The following CDH18 variants were observed in gnomAD, a reference collection of about 807,000 sequenced individuals.
CDH18 encodes the protein cadherin-18.
Under a neutral mutation model 67.9 loss-of-function variants are expected in CDH18, and 31 were observed. The observed-to-expected ratio is 0.46, with a 90% confidence interval of 0.34 to 0.62. The LOEUF is 0.62. Ranked by LOEUF, CDH18 falls within the 20% of genes least tolerant of loss-of-function variation. The probability of loss-of-function intolerance (pLI) is 0.01; values close to 1 mark genes in which losing one functional copy is unlikely to be tolerated. For synonymous variants in CDH18, 362 were observed against 347.2 expected (o/e 1.04, Z -0.48); for missense variants, 890 against 975.5 (o/e 0.91, Z 1.17).
At chr5:19,557,665 A>G (rs987429092) in intron 8 of CDH18, among the ~76,000 whole-genome samples, 2 of 152,034 alleles carry the variant, frequency 1.3e-5, no homozygotes, top group Non-Finnish European at 2.9e-5. Flanking sequence ...TAAACCAAAG[A>G]AATGAGATAG....
intron 5 of CDH18, among the ~76,000 whole-genome samples, chr5:19,674,599 C>T (rs1336351631): frequency 6.6e-6 from 1 of 151,996 alleles, no homozygotes; most frequent in African/African-American, 2.4e-5. Flanking sequence ...TTTATACATA[C>T]AACAGGGCAT....
chr5:20,006,509 G>T (rs547594414), intron 2 of CDH18, among the ~76,000 whole-genome samples: 1 of 152,042 alleles, frequency 6.6e-6, no homozygotes, highest in East Asian at 1.9e-4. Context: ...CAGCAACCAA[G>T]ATGCTCATTA....
At chr5:19,758,173 T>A (rs189613499) in intron 3 of CDH18, among the ~76,000 whole-genome samples, 1 of 152,242 alleles carries the variant, frequency 6.6e-6, no homozygotes, top group African/African-American at 2.4e-5. Context: ...TTCTATTTGA[T>A]GATAGAACGC....
intron 2 of CDH18, among the ~76,000 whole-genome samples, chr5:20,031,937 G>A (rs948020721): frequency 2.6e-5 from 4 of 151,962 alleles, no homozygotes; most frequent in African/African-American, 9.7e-5. Flanking sequence ...TCCAACATCT[G>A]TAACAATGAA....
intron 1 of CDH18, among the ~76,000 whole-genome samples, chr5:20,376,514 GTCTGCTT>G (rs1743458685): frequency 6.7e-6 from 1 of 149,766 alleles, no homozygotes. Context: ...CCATGCAAGT[GTCTGCTT>G]TCTTTAGGGG....
intron 1 of CDH18, among the ~76,000 whole-genome samples, chr5:20,409,735 G>T (rs911333130): frequency 2.6e-5 from 4 of 151,374 alleles, no homozygotes; most frequent in African/African-American, 9.7e-5. Flanking sequence ...TGAAAAAAAA[G>T]TTGACATATC....
intron 8 of CDH18, among the ~76,000 whole-genome samples, chr5:19,563,394 T>C (rs182403280): frequency 6.6e-4 from 101 of 152,284 alleles, no homozygotes; most frequent in Non-Finnish European, 1.0e-3. Context: ...TGGAATGATA[T>C]ATAAGGTCCA....
chr5:19,786,078 A>T, intron 3 of CDH18, among the ~76,000 whole-genome samples: 1 of 152,202 alleles, frequency 6.6e-6, no homozygotes, highest in Non-Finnish European at 1.5e-5. Context: ...TTATTATTTC[A>T]TTTTATTTCT....
intron 1 of CDH18, among the ~76,000 whole-genome samples, chr5:20,372,602 G>T (rs1170062063): frequency 6.6e-6 from 1 of 152,108 alleles, no homozygotes; most frequent in Non-Finnish European, 1.5e-5. Context: ...TCAGTTAATA[G>T]TTAATTTAGT....
intron 2 of CDH18, among the ~76,000 whole-genome samples, chr5:20,006,867 A>G (rs1003282780): frequency 6.6e-6 from 1 of 151,960 alleles, no homozygotes; most frequent in African/African-American, 2.4e-5. Flanking sequence ...TTCTTATAAC[A>G]TTAGTTAACT....
rs148256404 is a variant in CDH18 at position 19,699,116 on chromosome 5, T to C, written c.643+22231A>G. On this transcript the variant is annotated intron_variant, in intron 5 of 12. Transcript: ENST00000382275. ...TTCTAATTCTAAAATACTTAAGTAA[T>C]CAGAATTTTTATGTAATAGGTTAAT... Among the ~76,000 whole-genome samples the C allele has an allele frequency of 1.1e-3, 162 of 152,258 alleles. 1 individual carries two copies. The highest frequency in any genetic ancestry group is 3.7e-3 in the African/African-American group (154 of 41,572).
intron 1 of CDH18, among the ~76,000 whole-genome samples, chr5:20,263,647 T>A (rs746279954): frequency 6.6e-6 from 1 of 152,216 alleles, no homozygotes; most frequent in Non-Finnish European, 1.5e-5. Flanking sequence ...TTAACAAATG[T>A]TCTCACAGTG....
intron 1 of CDH18, among the ~76,000 whole-genome samples, chr5:20,416,036 A>G (rs1056662236): frequency 1.3e-5 from 2 of 152,134 alleles, no homozygotes; most frequent in Admixed American, 1.3e-4. Flanking sequence ...TCAGTTATGC[A>G]AGATAAGTAC....
intron 2 of CDH18, among the ~76,000 whole-genome samples, chr5:19,919,864 TAAAA>T (rs1792237259): frequency 6.6e-6 from 1 of 152,048 alleles, no homozygotes; most frequent in South Asian, 2.1e-4. Flanking sequence ...CATATACAAA[TAAAA>T]AAAGTTGAAA....
chr5:20,468,462 T>C (rs1424763071), intron 1 of CDH18, among the ~76,000 whole-genome samples: 4 of 152,214 alleles, frequency 2.6e-5, no homozygotes, highest in Non-Finnish European at 5.9e-5. Context: ...CATGATGTTT[T>C]CTTTCTCATC....
At chr5:20,534,121 C>T (rs1296438955) in intron 1 of CDH18, among the ~76,000 whole-genome samples, 1 of 152,042 alleles carries the variant, frequency 6.6e-6, no homozygotes, top group African/African-American at 2.4e-5. Context: ...TGATTCATCT[C>T]TCCTTGTTTG....
chr5:20,260,451 T>A (rs1744564300), intron 1 of CDH18, among the ~76,000 whole-genome samples: 1 of 151,984 alleles, frequency 6.6e-6, no homozygotes, highest in Non-Finnish European at 1.5e-5. Context: ...GATTTATAAG[T>A]TATACTGACT....
intron 3 of CDH18, among the ~76,000 whole-genome samples, chr5:19,762,794 C>A (rs965247537): frequency 1.3e-5 from 2 of 152,150 alleles, no homozygotes; most frequent in Admixed American, 6.5e-5. Flanking sequence ...AAGACACATG[C>A]ACACGTATGT....
At chr5:19,742,543 T>C (rs1212052105) in intron 4 of CDH18, among the ~76,000 whole-genome samples, 1 of 152,138 alleles carries the variant, frequency 6.6e-6, no homozygotes, top group East Asian at 1.9e-4. Context: ...TAAGATTCAC[T>C]GAGGACGTCT....
Sources: allele counts gnomAD v4.1 joint callset (sites outside exome capture counted in the v4.1 genomes callset), GRCh38; gene constraint gnomAD v4.1.1; transcripts MANE v1.5; gene names NCBI Gene and HGNC (gene_info 2026-07-23, HGNC 2026-07-21).